Variants in RNF135 observed in about 807,000 individuals in gnomAD.
The protein encoded by RNF135 is ring finger protein 135.
Under a neutral mutation model 41.9 loss-of-function variants are expected in RNF135, and 46 were observed. That is an observed-to-expected ratio of 1.10 (90% CI 0.87 to 1.40). RNF135 has a LOEUF of 1.40. RNF135 is among the 40% of genes most tolerant of loss of function. The pLI is 0.00. For synonymous variants in RNF135, 238 were observed against 223.8 expected, an observed-to-expected ratio of 1.06 and a Z score of -0.57; for missense variants, 539 against 549.8, an observed-to-expected ratio of 0.98 and a Z score of 0.20.
intron 1 of RNF135, chr17:30,972,163 C>T (rs1211710098): frequency 1.3e-5 from 2 of 152,054 alleles, no homozygotes; most frequent in Non-Finnish European, 2.9e-5. Context: ...GTGGCGCCAT[C>T]TTGTCTCACT....
chr17:30,969,751 T>C (rs934639762), upstream of RNF135, among the ~76,000 whole-genome samples: 1 of 142,684 alleles, frequency 7.0e-6, no homozygotes, highest in Non-Finnish European at 1.5e-5. Context: ...CTTTTCTTTC[T>C]TTTTTTTCTT....
chr17:30,971,379 C>A lies in RNF135; in HGVS notation c.306C>A (p.Pro102=), dbSNP rs1009857461. ...CGGGCTCCGACCCTGCCCACTGCCCCTGCCCGGGCTCCAGTTCCCTCTCCA... is the reference window on the plus strand; with the variant it reads ...CGGGCTCCGACCCTGCCCACTGCCCATGCCCGGGCTCCAGTTCCCTCTCCA... ...IQAGSDPAHC[P]CPGSSSLSSA... Residue 102 remains proline (P), a synonymous_variant, in exon 1 of 5, where the codon CCC becomes CCA. Transcript: ENST00000328381. 5 of 1,527,052 alleles carry A rather than the reference C, an allele frequency of 3.3e-6. No individual in the cohort carries two copies. The highest frequency in any genetic ancestry group is 4.4e-6 in the Non-Finnish European group (5 of 1,142,480). 94.6% of individuals were successfully genotyped at this position (1,527,052 alleles called of 1,614,324 possible).
intron 3 of RNF135, among the ~76,000 whole-genome samples, chr17:30,990,682 A>G (rs1907925267): frequency 6.6e-6 from 1 of 152,202 alleles, no homozygotes; most frequent in South Asian, 2.1e-4. Context: ...ATATGAATTT[A>G]TATTTTTATT....
At chr17:30,978,491 T>C (rs1467508332) in intron 1 of RNF135, 1 of 152,216 alleles carries the variant, frequency 6.6e-6, no homozygotes, top group African/African-American at 2.4e-5. Flanking sequence ...TTCTTTCTAA[T>C]ACTTGATCGA....
rs919571288 is a variant in RNF135, at chr17:30,975,649, G to A, written c.372+4204G>A. On this transcript the variant is annotated intron_variant, in intron 1 of 4. Coordinates refer to ENST00000328381, the MANE Select transcript of RNF135 (RefSeq NM_032322.4). ...AGCAAAAACAAGAAACTCCACAACCGCCAATACCGGAGGGTGGAGTCACCA... is the reference window on the plus strand; with the variant it reads ...AGCAAAAACAAGAAACTCCACAACCACCAATACCGGAGGGTGGAGTCACCA... The A allele has an allele frequency of 3.4e-5, 42 of 1,217,742 alleles. 1 individual carries two copies. Among genetic ancestry groups the A allele is most frequent in the South Asian group, 3.0e-4 (25 of 83,034 alleles). The allele number at this position is 1,217,742 out of a possible 1,614,324, so 75.4% of individuals were successfully genotyped here.
intron 1 of RNF135, among the ~76,000 whole-genome samples, chr17:30,982,991 T>G (rs1907265441): frequency 6.6e-6 from 1 of 152,120 alleles, no homozygotes; most frequent in Non-Finnish European, 1.5e-5. Flanking sequence ...TCTAAATACC[T>G]CATATAAGTT....
upstream of RNF135, chr17:30,970,704 C>CT (rs1338780802): frequency 6.9e-6 from 2 of 291,316 alleles, no homozygotes; most frequent in African/African-American, 4.5e-5. Context: ...GGTGTTGCAT[C>CT]TTTTTTGTTG....
chr17:30,988,418 T>G (rs867661815), intron 3 of RNF135, among the ~76,000 whole-genome samples: 139 of 112,398 alleles, frequency 1.2e-3, no homozygotes, highest in African/African-American at 5.0e-3. Context: ...CACTTTTAAT[T>G]TTTTTTTTTT....
chr17:30,967,713 T>TG (rs1229075426), upstream of RNF135, among the ~76,000 whole-genome samples: 4 of 151,746 alleles, frequency 2.6e-5, no homozygotes, highest in African/African-American at 9.7e-5. Context: ...TCTTTTTTTT[T>TG]TTTTTTGAGA....
chr17:30,979,494 A>AC (rs1385343131), intron 1 of RNF135, among the ~76,000 whole-genome samples: 7 of 30,834 alleles, frequency 2.3e-4, no homozygotes, highest in African/African-American at 6.7e-4. Flanking sequence ...AGGGGGGCTG[A>AC]CCCCCCCCAC....
At chr17:30,980,708 T>C (rs1182500008) in intron 1 of RNF135, among the ~76,000 whole-genome samples, 3 of 135,190 alleles carry the variant, frequency 2.2e-5, no homozygotes, top group Non-Finnish European at 4.8e-5. Context: ...GCAGAGGCGC[T>C]CCTCACATCC....
At chr17:30,981,232 C>G (rs1358843202) in intron 1 of RNF135, among the ~76,000 whole-genome samples, 2 of 148,360 alleles carry the variant, frequency 1.3e-5, no homozygotes, top group African/African-American at 5.2e-5. Context: ...TGGCGGCGCG[C>G]GCCTGCAATC....
At chr17:30,968,360 T>C (rs1905640559), upstream of RNF135, among the ~76,000 whole-genome samples, 1 of 150,356 alleles carries the variant, frequency 6.7e-6, no homozygotes, top group South Asian at 2.1e-4. Flanking sequence ...AGCTGACCAC[T>C]CTCCCCCTTC....
chr17:30,965,739 G>T, the RNF135 span, among the ~76,000 whole-genome samples: 3 of 152,316 alleles, frequency 2.0e-5, no homozygotes, highest in South Asian at 6.2e-4. Context: ...CCAAAGGCTG[G>T]AGGTTATGGT....
chr17:30,982,390 T>C (rs971809449), intron 1 of RNF135, among the ~76,000 whole-genome samples: 1 of 152,182 alleles, frequency 6.6e-6, no homozygotes. Context: ...AGTTTTGCTT[T>C]GTGAAGCGAC....
intron 1 of RNF135, 114 bp downstream of exon 1, chr17:30,971,559 C>T (rs1401347550): frequency 7.3e-7 from 1 of 1,373,996 alleles, no homozygotes; most frequent in African/African-American, 1.5e-5. Context: ...CGTTCCTTTT[C>T]TCAGTCTAAA....
At chr17:30,979,672 CA>C (rs1318980813) in intron 1 of RNF135, among the ~76,000 whole-genome samples, 1 of 138,386 alleles carries the variant, frequency 7.2e-6, no homozygotes, top group Non-Finnish European at 1.6e-5. Context: ...TGATCCCCCC[CA>C]CCTCCCTCCC....
intron 3 of RNF135, among the ~76,000 whole-genome samples, chr17:30,995,347 C>T (rs1351601911): frequency 6.6e-6 from 1 of 151,626 alleles, no homozygotes; most frequent in Non-Finnish European, 1.5e-5. Flanking sequence ...GAGATTGCGC[C>T]ATCGCACTCC....
Position 30,975,794 on chromosome 17 carries a change from A to G in RNF135, c.372+4349A>G, listed in dbSNP as rs112639565. 4,004 of 1,055,366 alleles carry G rather than the reference A, an allele frequency of 3.8e-3. 116 individuals are homozygous for G. The African/African-American group carries it at 0.054, about 14-fold the overall frequency. 65.4% of individuals were successfully genotyped at this position (1,055,366 alleles called of 1,614,324 possible). A position where few individuals can be genotyped will look rare whatever the true frequency, so the allele number is the denominator to read the frequency against. On this transcript the variant is annotated intron_variant, in intron 1 of 4. Coordinates refer to ENST00000328381, the MANE Select transcript of RNF135 (RefSeq NM_032322.4). ...TTTCCAGCTCATCCTGTACCCCAACATCAAGGTCCCTGCAGATGACTTCGT... is the reference window on the plus strand; with the variant it reads ...TTTCCAGCTCATCCTGTACCCCAACGTCAAGGTCCCTGCAGATGACTTCGT...
Sources: allele counts gnomAD v4.1 joint callset (sites outside exome capture counted in the v4.1 genomes callset), GRCh38; gene constraint gnomAD v4.1.1; transcripts MANE v1.5; gene names NCBI Gene and HGNC (gene_info 2026-07-23, HGNC 2026-07-21).